The following NQO1 variants were observed in gnomAD, a reference collection of about 807,000 sequenced individuals.
The protein encoded by NQO1 is NAD(P)H dehydrogenase [quinone] 1.
Under a neutral mutation model 32.1 loss-of-function variants are expected in NQO1, and 30 were observed. The ratio of observed to expected loss-of-function variants is 0.94; its 90% CI spans 0.70 to 1.27. The LOEUF (loss-of-function observed/expected upper bound fraction) is 1.27, where lower values mean the gene tolerates loss of function less well. Ranked by LOEUF, NQO1 falls within the 50% of genes most tolerant of loss-of-function variation. NQO1 has a pLI of 0.00. For missense variants in NQO1, 276 were observed against 331.3 expected, an observed-to-expected ratio of 0.83 and a Z score of 1.30; for synonymous variants, 109 against 119.7, an observed-to-expected ratio of 0.91 and a Z score of 0.59.
intron 5 of NQO1, among the ~76,000 whole-genome samples, chr16:69,712,419 G>T (rs2038053518): frequency 6.6e-6 from 1 of 152,178 alleles, no homozygotes; most frequent in South Asian, 2.1e-4. Context: ...AGGAAGGCTG[G>T]AGAGAGATGT....
In NQO1 at chr16:69,715,011, C is replaced by G; in HGVS notation, c.370G>C (p.Glu124Gln). ...ATGGCAGCGTAAGTGTAAGCAAACT[C>G]TCCTATGAACACTCGCTCAAACCAG... ...KGWFERVFIG[E>Q]FAYTYAAMYD... Residue 124 changes from glutamate to glutamine, a missense_variant, in exon 4 of 6, where the codon GAG becomes CAG. By Grantham distance (29) the Glu-to-Gln change is conservative (BLOSUM62 2). Transcript: ENST00000320623. 6.2e-7 allele frequency: 1 copy of G among 1,613,816 alleles called. No individual in the cohort carries two copies. Among genetic ancestry groups the G allele is most frequent in the Admixed American group, 1.7e-5 (1 of 60,016 alleles).
chr16:69,725,603 G>C (rs888672164), intron 1 of NQO1, among the ~76,000 whole-genome samples: 1 of 152,144 alleles, frequency 6.6e-6, no homozygotes, highest in Non-Finnish European at 1.5e-5. Context: ...GGCCAGGCAC[G>C]GTGGCTCACG....
chr16:69,722,415 C>A (rs1349270562), intron 1 of NQO1, among the ~76,000 whole-genome samples: 1 of 152,204 alleles, frequency 6.6e-6, no homozygotes, highest in Non-Finnish European at 1.5e-5. Context: ...CTGCCTTGGC[C>A]TCCCAAAGTG....
chr16:69,717,481 C>CTG (rs1453400034), intron 3 of NQO1, among the ~76,000 whole-genome samples: 1 of 151,636 alleles, frequency 6.6e-6, no homozygotes, highest in East Asian at 1.9e-4. Flanking sequence ...GAATCGCTAA[C>CTG]CGCAGGATTC....
At chr16:69,713,155 C>A (rs766357405) in intron 4 of NQO1, 26 bp from the exon 5 acceptor site, 3 of 1,529,722 alleles carry the variant, frequency 2.0e-6, no homozygotes, top group Admixed American at 1.7e-5. Flanking sequence ...CAATAACAAA[C>A]TTCACTTCCC....
At chr16:69,715,382 T>C (rs1381456620) in intron 3 of NQO1, among the ~76,000 whole-genome samples, 2 of 152,258 alleles carry the variant, frequency 1.3e-5, no homozygotes, top group South Asian at 2.1e-4. Flanking sequence ...CAGCAAAGTC[T>C]AAATAGCAAG....
At chr16:69,724,066 C>T (rs2038228708) in intron 1 of NQO1, among the ~76,000 whole-genome samples, 1 of 151,950 alleles carries the variant, frequency 6.6e-6, no homozygotes, top group Non-Finnish European at 1.5e-5. Context: ...GTAATCGTAG[C>T]ACTTTGGGAG....
chr16:69,722,369 C>A (rs1171873431), intron 1 of NQO1, among the ~76,000 whole-genome samples: 1 of 152,040 alleles, frequency 6.6e-6, no homozygotes, highest in Admixed American at 6.6e-5. Context: ...ACCATGTTAG[C>A]CAGGATGGTC....
Position 69,726,514 on chromosome 16 carries a change from T to C in NQO1, c.-75A>G. The C allele has an allele frequency of 1.9e-6, 3 of 1,582,526 alleles. No homozygotes were observed. The Middle Eastern group carries it at 5.8e-4, about 304-fold the overall frequency. ...GGCGACCCTGGCCGGAACTAGGCTC[T>C]CGGTGAGCTGGGCGGCTCCGGCTGC... On this transcript the variant is annotated 5_prime_UTR_variant, in exon 1 of 6. Transcript: ENST00000320623.
At chr16:69,726,326 G>T in intron 1 of NQO1, 107 bp downstream of exon 1, 1 of 1,487,642 alleles carries the variant, frequency 6.7e-7, no homozygotes, top group East Asian at 2.3e-5. Flanking sequence ...CCCTTTGTGG[G>T]TTTTGAGTCA....
intron 1 of NQO1, among the ~76,000 whole-genome samples, chr16:69,724,122 T>C (rs1269717725): frequency 6.6e-6 from 1 of 151,898 alleles, no homozygotes; most frequent in African/African-American, 2.4e-5. Flanking sequence ...GAGACCAGCC[T>C]GGCCAACATG....
chr16:69,723,442 C>T (rs1376703800), intron 1 of NQO1, among the ~76,000 whole-genome samples: 1 of 152,008 alleles, frequency 6.6e-6, no homozygotes, highest in South Asian at 2.1e-4. Context: ...CAAATATAAC[C>T]ATCAAAGTGC....
intron 3 of NQO1, among the ~76,000 whole-genome samples, chr16:69,717,366 G>C (rs930559871): frequency 6.6e-6 from 1 of 152,170 alleles, no homozygotes; most frequent in African/African-American, 2.4e-5. Context: ...TCAGCTGGCA[G>C]GCTACAATGG....
chr16:69,713,287 C>T (rs2038065682), intron 4 of NQO1, among the ~76,000 whole-genome samples, 158 bp from the exon 5 acceptor site: 4 of 152,214 alleles, frequency 2.6e-5, no homozygotes. Flanking sequence ...CATAATATGA[C>T]TCTGCAGGAG....
intron 4 of NQO1, among the ~76,000 whole-genome samples, chr16:69,714,163 C>A (rs1427859648): frequency 6.7e-6 from 1 of 149,282 alleles, no homozygotes; most frequent in Non-Finnish European, 1.5e-5. Context: ...AGGTATGAGC[C>A]ACCGTGCTTG....
intron 4 of NQO1, among the ~76,000 whole-genome samples, chr16:69,713,845 C>T (rs917359593): frequency 2.4e-4 from 36 of 151,844 alleles, no homozygotes; most frequent in African/African-American, 8.2e-4. Context: ...GTTGGGATTA[C>T]AGGTGCCCAC....
At chr16:69,716,506 A>G (rs1306575583) in intron 3 of NQO1, among the ~76,000 whole-genome samples, 1 of 151,928 alleles carries the variant, frequency 6.6e-6, no homozygotes, top group Non-Finnish European at 1.5e-5. Flanking sequence ...ACAAATAAAT[A>G]AATAAATAAA....
In NQO1 at chr16:69,709,591, G is replaced by A. The variant is rs1248132179; in HGVS notation, c.*1385C>T. ...TCTGGTAAAGGAGGTTTTCCAGCTC[G>A]GTCCAATCCCTTCATTTTCTTGGCA... On this transcript the variant is annotated 3_prime_UTR_variant, in exon 6 of 6. Transcript: ENST00000320623. 2 of 392,044 alleles carry A rather than the reference G, an allele frequency of 5.1e-6. No individual in the cohort carries two copies. The highest frequency in any genetic ancestry group is 7.2e-5 in the East Asian group (2 of 27,756). 24.3% of individuals were successfully genotyped at this position (392,044 alleles called of 1,614,324 possible).
Position 69,718,156 on chromosome 16 carries a change from C to G in NQO1, c.270G>C (p.Lys90Asn), listed in dbSNP as rs1409858779. ...TCACAAGGTCTGCGGCTTCCAGCTT[C>G]TTTTGTTCAGCCACAATATCTGGGC... ...HLSPDIVAEQ[K>N]KLEAADLVIF... The change falls in exon 3 of 6, where the codon AAG (lysine) becomes AAC (asparagine). Residue 90 changes from lysine (K) to asparagine (N), a missense_variant. Coordinates refer to ENST00000320623, the MANE Select transcript of NQO1 (RefSeq NM_000903.3). 1.2e-6 allele frequency: 2 copies of G among 1,614,064 alleles called. No individual in the cohort carries two copies. The highest frequency in any genetic ancestry group is 2.2e-5 in the East Asian group (1 of 44,886).
Sources: allele counts gnomAD v4.1 joint callset (sites outside exome capture counted in the v4.1 genomes callset), GRCh38; gene constraint gnomAD v4.1.1; transcripts MANE v1.5; gene names NCBI Gene and HGNC (gene_info 2026-07-23, HGNC 2026-07-21).